The following CENPP variants were observed in gnomAD, a reference collection of about 807,000 sequenced individuals.
CENPP encodes centromere protein P.
A neutral mutation model predicts 35.6 loss-of-function variants in CENPP; 24 were observed. The observed-to-expected ratio is 0.67, with a 90% CI of 0.49 to 0.95. The LOEUF (loss-of-function observed/expected upper bound fraction) is 0.95. Among genes scored for constraint, CENPP ranks in the 40% least tolerant of loss-of-function variants. The pLI is 0.00. For synonymous variants in CENPP, 120 were observed against 125.5 expected (o/e 0.96, Z 0.29); for missense variants, 332 against 345.3 (o/e 0.96, Z 0.31).
intron 5 of CENPP, among the ~76,000 whole-genome samples, chr9:92,513,998 T>C (rs1847522094): frequency 6.6e-6 from 1 of 152,236 alleles, no homozygotes; most frequent in Non-Finnish European, 1.5e-5. Context: ...TAACTGCTAT[T>C]CTGCAGTAAA....
Position 92,522,540 on chromosome 9 carries a change from C to T in CENPP, c.565-88774C>T, listed in dbSNP as rs377269756. 201 of 1,532,234 alleles carry T rather than the reference C, an allele frequency of 1.3e-4. 1 individual carries two copies. The Middle Eastern group carries it at 4.9e-3, about 37-fold the overall frequency. 94.9% of individuals were successfully genotyped at this position (1,532,234 alleles called of 1,614,324 possible). On this transcript the variant is annotated intron_variant, in intron 5 of 7. Coordinates refer to ENST00000375587, the MANE Select transcript of CENPP (RefSeq NM_001012267.3). The stretch of plus-strand genomic sequence containing the variant: ...CCCCATACCATCTCTCACCCTCCTC[C>T]CTCTTTCTGTCTCTCTCTCATAGTG...
At chr9:92,461,613 GA>G (rs1342450155) in intron 5 of CENPP, among the ~76,000 whole-genome samples, 2 of 152,164 alleles carry the variant, frequency 1.3e-5, no homozygotes, top group Admixed American at 1.3e-4. Context: ...GTCAGATGCA[GA>G]GAGACATTCA....
At chr9:92,505,462 A>G (rs1846943845) in intron 5 of CENPP, 1 of 1,303,768 alleles carries the variant, frequency 7.7e-7, no homozygotes, top group Admixed American at 2.4e-5. Context: ...ATAGTCTTAA[A>G]ATATATTTTG....
At chr9:92,481,997 T>C (rs1252588424) in intron 5 of CENPP, among the ~76,000 whole-genome samples, 1 of 152,100 alleles carries the variant, frequency 6.6e-6, no homozygotes, top group Non-Finnish European at 1.5e-5. Context: ...TTAGATGACT[T>C]TTAAAATCAA....
chr9:92,542,062 G>A (rs895776375), intron 5 of CENPP, among the ~76,000 whole-genome samples: 1 of 152,190 alleles, frequency 6.6e-6, no homozygotes, highest in Non-Finnish European at 1.5e-5. Context: ...AAAGTGCTGG[G>A]ATTATAGGCG....
chr9:92,565,561 C>A (rs570243551), intron 5 of CENPP, among the ~76,000 whole-genome samples: 28 of 152,264 alleles, frequency 1.8e-4, no homozygotes, highest in African/African-American at 6.3e-4. Flanking sequence ...TTTTGGGGGG[C>A]CAGCACTATC....
rs1211883650 is a variant in CENPP at position 92,551,936 on chromosome 9, T to TATATATG, written c.565-59372_565-59371insGATATAT. 9.2e-5 allele frequency among the ~76,000 whole-genome samples: 9 copies of TATATATG among 97,874 alleles called. 1 individual carries two copies. The highest frequency in any genetic ancestry group is 6.3e-4 in the African/African-American group (9 of 14,396). 64.2% of individuals were successfully genotyped at this position (97,874 alleles called of 152,430 possible). ...TATATGGTGTGTGTGTATATATATA[T>TATATATG]ATATATATATATATATGATATATAT... On this transcript the variant is annotated intron_variant, in intron 5 of 7. Coordinates refer to ENST00000375587, the MANE Select transcript of CENPP (RefSeq NM_001012267.3).
intron 5 of CENPP, chr9:92,404,707 A>G: frequency 2.5e-6 from 3 of 1,184,840 alleles, no homozygotes; most frequent in Non-Finnish European, 2.1e-6. Context: ...AGTGTGTTGT[A>G]CTAGAGAACT....
intron 4 of CENPP, among the ~76,000 whole-genome samples, chr9:92,362,250 C>T (rs1841774185): frequency 1.3e-5 from 2 of 152,042 alleles, no homozygotes; most frequent in African/African-American, 4.8e-5. Context: ...CATAGTGGTG[C>T]ATGCCTATAG....
intron 5 of CENPP, among the ~76,000 whole-genome samples, chr9:92,531,192 G>A (rs1259776015): frequency 1.3e-5 from 2 of 151,910 alleles, no homozygotes; most frequent in African/African-American, 2.4e-5. Context: ...CATGTTCTAT[G>A]TTCCTTTTTC....
intron 5 of CENPP, chr9:92,474,644 A>G (rs369738156): frequency 1.9e-6 from 3 of 1,612,894 alleles, no homozygotes; most frequent in African/African-American, 2.7e-5. Context: ...GCAATGTACA[A>G]CTCGTGAATA....
chr9:92,544,247 A>G (rs1849378683), intron 5 of CENPP, among the ~76,000 whole-genome samples: 1 of 152,224 alleles, frequency 6.6e-6, no homozygotes, highest in Non-Finnish European at 1.5e-5. Flanking sequence ...AGGCTGAGGC[A>G]CGTGGATCAC....
chr9:92,375,652 T>A (rs1842108927), intron 4 of CENPP, among the ~76,000 whole-genome samples: 1 of 152,198 alleles, frequency 6.6e-6, no homozygotes, highest in Non-Finnish European at 1.5e-5. Flanking sequence ...TTAGTGAATT[T>A]TTAATTTCAT....
At chr9:92,466,492 T>C (rs1433007923) in intron 5 of CENPP, 2 of 1,613,774 alleles carry the variant, frequency 1.2e-6, no homozygotes, top group East Asian at 2.2e-5. Flanking sequence ...GTGGGACAGA[T>C]ACAGCCTTCG....
At chr9:92,342,655 G>A (rs1236737926) in intron 3 of CENPP, among the ~76,000 whole-genome samples, 1 of 152,214 alleles carries the variant, frequency 6.6e-6, no homozygotes, top group Admixed American at 6.5e-5. Flanking sequence ...GGAATCAACA[G>A]GGTTTTTGGA....
intron 5 of CENPP, among the ~76,000 whole-genome samples, chr9:92,551,753 A>G (rs999198407): frequency 2.0e-5 from 3 of 151,612 alleles, no homozygotes; most frequent in Non-Finnish European, 4.4e-5. Flanking sequence ...GCTCCCACAT[A>G]TCAGTGAGAA....
intron 5 of CENPP, among the ~76,000 whole-genome samples, chr9:92,587,296 C>G (rs551070365): frequency 6.6e-6 from 1 of 151,978 alleles, no homozygotes; most frequent in Non-Finnish European, 1.5e-5. Context: ...ATGGAGAAAC[C>G]CTGTCTCTAC....
At chr9:92,521,313 A>G (rs1040047705) in intron 5 of CENPP, among the ~76,000 whole-genome samples, 2 of 152,180 alleles carry the variant, frequency 1.3e-5, no homozygotes, top group African/African-American at 4.8e-5. Flanking sequence ...TAGCTTAGCC[A>G]TCTTTCCACT....
At chr9:92,351,084 C>G (rs575650289) in intron 4 of CENPP, among the ~76,000 whole-genome samples, 1 of 152,146 alleles carries the variant, frequency 6.6e-6, no homozygotes, top group African/African-American at 2.4e-5. Context: ...AAAATACTTA[C>G]AAAATCTACC....
Sources: allele counts gnomAD v4.1 joint callset (sites outside exome capture counted in the v4.1 genomes callset), GRCh38; gene constraint gnomAD v4.1.1; transcripts MANE v1.5; gene names NCBI Gene and HGNC (gene_info 2026-07-23, HGNC 2026-07-21).